The following XKR4 variants were observed in gnomAD, a reference collection of about 807,000 sequenced individuals.
XKR4 encodes XK-related protein 4.
XKR4 carries 12 observed loss-of-function variants against 53.9 expected under a neutral mutation model. The ratio of observed to expected loss-of-function variants is 0.22; its 90% CI spans 0.14 to 0.36. The LOEUF (loss-of-function observed/expected upper bound fraction) is 0.36, where lower values mean the gene tolerates loss of function less well. Ranked by LOEUF, XKR4 falls within the 10% of genes least tolerant of loss-of-function variation. The probability of loss-of-function intolerance (pLI) is 1.00; values close to 1 mark genes in which losing one functional copy is unlikely to be tolerated. For synonymous variants in XKR4, 354 were observed against 362.4 expected, an observed-to-expected ratio of 0.98 and a Z score of 0.26; for missense variants, 799 against 859.5, an observed-to-expected ratio of 0.93 and a Z score of 0.88.
intron 2 of XKR4, among the ~76,000 whole-genome samples, chr8:55,433,104 C>CT (rs963480529): frequency 1.9e-4 from 29 of 152,218 alleles, no homozygotes; most frequent in Admixed American, 3.9e-4. Context: ...TCATATGACA[C>CT]TTTTTTCACA....
At chr8:55,222,532 A>T (rs991055125) in intron 1 of XKR4, among the ~76,000 whole-genome samples, 1 of 152,238 alleles carries the variant, frequency 6.6e-6, no homozygotes, top group Non-Finnish European at 1.5e-5. Flanking sequence ...AAAGTAGATC[A>T]TTACTATGAT....
At chr8:55,322,397 C>T (rs1025049258) in intron 1 of XKR4, among the ~76,000 whole-genome samples, 1 of 152,128 alleles carries the variant, frequency 6.6e-6, no homozygotes, top group African/African-American at 2.4e-5. Context: ...TGAAAATTTT[C>T]CTGTTTCAAG....
At chr8:55,365,759 T>A (rs1459497752) in intron 2 of XKR4, among the ~76,000 whole-genome samples, 1 of 141,566 alleles carries the variant, frequency 7.1e-6, no homozygotes, top group Non-Finnish European at 1.5e-5. Flanking sequence ...GCGGCACAGG[T>A]GCTGGGAGGG....
intron 1 of XKR4, among the ~76,000 whole-genome samples, chr8:55,245,643 C>T (rs1379332165): frequency 6.6e-6 from 1 of 152,140 alleles, no homozygotes; most frequent in East Asian, 1.9e-4. Context: ...CTTAAATTTT[C>T]CACAGAAGCC....
At chr8:55,424,961 G>A (rs181695768) in intron 2 of XKR4, among the ~76,000 whole-genome samples, 33 of 152,232 alleles carry the variant, frequency 2.2e-4, no homozygotes, top group Middle Eastern at 3.4e-3. Flanking sequence ...CATACTTTAC[G>A]TAAAAATGTG....
intron 1 of XKR4, among the ~76,000 whole-genome samples, chr8:55,214,935 A>ATTC (rs1817780435): frequency 6.6e-6 from 1 of 152,206 alleles, no homozygotes; most frequent in Non-Finnish European, 1.5e-5. Flanking sequence ...GCCAGAAATT[A>ATTC]TTCTTTCTCC....
At chr8:55,387,494 A>T (rs1269241472) in intron 2 of XKR4, among the ~76,000 whole-genome samples, 1 of 152,062 alleles carries the variant, frequency 6.6e-6, no homozygotes, top group Non-Finnish European at 1.5e-5. Context: ...TCTGTGTACT[A>T]CTTCCCTAGG....
chr8:55,426,695 C>A (rs1473113432), intron 2 of XKR4, among the ~76,000 whole-genome samples: 2 of 152,132 alleles, frequency 1.3e-5, no homozygotes, highest in Admixed American at 6.6e-5. Flanking sequence ...TAAAAATAGG[C>A]TCTGATATTT....
intron 1 of XKR4, among the ~76,000 whole-genome samples, chr8:55,297,099 G>T (rs527918064): frequency 6.6e-6 from 1 of 152,292 alleles, no homozygotes; most frequent in East Asian, 1.9e-4. Context: ...AGACATGTAA[G>T]TAAATGCTTC....
chr8:55,419,790 G>A (rs1804897524), intron 2 of XKR4, among the ~76,000 whole-genome samples: 1 of 152,154 alleles, frequency 6.6e-6, no homozygotes, highest in Non-Finnish European at 1.5e-5. Flanking sequence ...GTTCAGCTTG[G>A]TTGTCATTGC....
chr8:55,378,087 T>C (rs895688344), intron 2 of XKR4, among the ~76,000 whole-genome samples: 1 of 152,216 alleles, frequency 6.6e-6, no homozygotes, highest in Non-Finnish European at 1.5e-5. Context: ...CCATGAACAG[T>C]GTGAATGTTG....
chr8:55,228,382 T>G (rs1461812467), intron 1 of XKR4, among the ~76,000 whole-genome samples: 1 of 152,230 alleles, frequency 6.6e-6, no homozygotes, highest in Non-Finnish European at 1.5e-5. Context: ...ATAACTACTA[T>G]TCATCTAAAG....
chr8:55,469,764 G>A lies in XKR4; in HGVS notation c.1007-53517G>A, dbSNP rs1394475576. ...AGGGAAGCCAGTAGCCTGACTATAA[G>A]CTATGAGCTAACTAGGAACAAATCT... On this transcript the variant is annotated intron_variant, in intron 2 of 2. Transcript: ENST00000327381. 2.6e-5 allele frequency among the ~76,000 whole-genome samples: 4 copies of A among 152,164 alleles called. No homozygotes were observed. In the East Asian group the frequency reaches 5.8e-4, roughly 22 times the overall value.
chr8:55,145,413 T>C (rs149496307), intron 1 of XKR4, among the ~76,000 whole-genome samples: 289 of 135,134 alleles, frequency 2.1e-3, no homozygotes, highest in African/African-American at 5.0e-3. Flanking sequence ...CTACAGTTAA[T>C]ACCTAAAATT....
chr8:55,102,321 C>A lies in XKR4; in HGVS notation c.-168C>A. 6 of 939,540 alleles carry A rather than the reference C, an allele frequency of 6.4e-6. No individual in the cohort carries two copies. Among genetic ancestry groups the A allele is most frequent in the Non-Finnish European group, 7.8e-6 (6 of 772,170 alleles). 58.2% of individuals were successfully genotyped at this position (939,540 alleles called of 1,614,324 possible). On this transcript the variant is annotated 5_prime_UTR_variant, in exon 1 of 3. Coordinates refer to ENST00000327381, the MANE Select transcript of XKR4 (RefSeq NM_052898.2). The surrounding 1 kb of genome is among the most constrained non-coding windows in gnomAD (Gnocchi z 5.1). Reference sequence around the variant, plus strand: ...TAGCCCGGCCCAGCGCCCAGCCCGGCGGGCGGCGGGCGGCGGCGGACGGCA... The same window carrying A: ...TAGCCCGGCCCAGCGCCCAGCCCGGAGGGCGGCGGGCGGCGGCGGACGGCA...
intron 2 of XKR4, among the ~76,000 whole-genome samples, chr8:55,368,869 G>A (rs1804030515): frequency 6.6e-6 from 1 of 152,140 alleles, no homozygotes; most frequent in Non-Finnish European, 1.5e-5. Flanking sequence ...CCTGTGGAAT[G>A]TCACAGTGTT....
rs138769473 is a variant in XKR4 at position 55,387,634 on chromosome 8, G to T, written c.1006+29757G>T. On this transcript the variant is annotated intron_variant, in intron 2 of 2. Coordinates refer to ENST00000327381, the MANE Select transcript of XKR4 (RefSeq NM_052898.2). The stretch of plus-strand genomic sequence containing the variant: ...CTCCCCAGAAGGACATAGACCTTCT[G>T]CCCTCTGAGTGAGCTGGGGCTAGGG... Among the ~76,000 whole-genome samples the T allele has an allele frequency of 3.6e-3, 544 of 152,322 alleles. 12 individuals carry two copies. Among genetic ancestry groups the T allele is most frequent in the Admixed American group, 0.031 (468 of 15,304 alleles).
rs368334535 is a variant in XKR4 at position 55,479,352 on chromosome 8, G to C, written c.1007-43929G>C. Among the ~76,000 whole-genome samples, 51 of 152,030 alleles carry C rather than the reference G, an allele frequency of 3.4e-4. No homozygotes were observed. In the East Asian group the frequency reaches 8.7e-3, roughly 26 times the overall value. On this transcript the variant is annotated intron_variant, in intron 2 of 2. Transcript: ENST00000327381. Reference sequence around the variant, plus strand: ...AATAAAGATGTTCTTTGAAACCAACGAGAACAAAGACACAACATACCAGAA... The same window carrying C: ...AATAAAGATGTTCTTTGAAACCAACCAGAACAAAGACACAACATACCAGAA...
intron 2 of XKR4, chr8:55,451,358 G>C (rs2975986): frequency 0.17 from 110,617 of 664,544 alleles, 11,740 homozygotes; most frequent in East Asian, 0.4. Flanking sequence ...CTGCCAATGT[G>C]ACTCCCCACG....
Sources: gnomAD v4.1 joint callset for allele counts (sites outside exome capture counted in the v4.1 genomes callset) on GRCh38, gnomAD v4.1.1 for gene constraint, Gnocchi (gnomAD v3.1) non-coding constraint, MANE v1.5 for transcripts, NCBI Gene and HGNC (gene_info 2026-07-23, HGNC 2026-07-21) for gene names.